The following NHSL1 variants were observed in gnomAD, a reference collection of about 807,000 sequenced individuals.
NHSL1 encodes the protein NHS like 1.
Under a neutral mutation model 95.0 loss-of-function variants are expected in NHSL1, and 48 were observed. That is an observed-to-expected ratio of 0.51 (90% CI 0.40 to 0.64). The LOEUF (loss-of-function observed/expected upper bound fraction) is 0.64, where lower values mean the gene tolerates loss of function less well. Ranked by LOEUF, NHSL1 falls within the 30% of genes least tolerant of loss-of-function variation. The pLI is 0.00. For missense variants in NHSL1, 1,971 were observed against 2,077.7 expected, an observed-to-expected ratio of 0.95 and a Z score of 1.00; for synonymous variants, 783 against 833.9, an observed-to-expected ratio of 0.94 and a Z score of 1.05.
intron 1 of NHSL1, among the ~76,000 whole-genome samples, chr6:138,683,205 G>A (rs982142557): frequency 1.1e-4 from 17 of 152,192 alleles, no homozygotes; most frequent in African/African-American, 1.9e-4. Flanking sequence ...CACTGCTCTC[G>A]GGAGCCACAT....
chr6:138,574,767 G>A (rs58183797), upstream of NHSL1, among the ~76,000 whole-genome samples: 20 of 151,960 alleles, frequency 1.3e-4, no homozygotes, highest in African/African-American at 4.8e-5. Context: ...TGGGAGGATC[G>A]CTTGAGCCCA....
chr6:138,422,919 T>C lies in NHSL1; in HGVS notation c.*1162A>G, dbSNP rs1346024977. On this transcript the variant is annotated 3_prime_UTR_variant, in exon 8 of 8. Coordinates refer to ENST00000343505, the MANE Select transcript of NHSL1 (RefSeq NM_001144060.2). Reference sequence around the variant, plus strand: ...CAGCATTTTCTTCAAAGTAAGATAATATATAATAGATTTTGATAAATCTTT... The same window carrying C: ...CAGCATTTTCTTCAAAGTAAGATAACATATAATAGATTTTGATAAATCTTT... The C allele has an allele frequency of 3.9e-5, 6 of 152,004 alleles. No homozygotes were observed. Among genetic ancestry groups the C allele is most frequent in the Non-Finnish European group, 8.8e-5 (6 of 68,018 alleles). 9.4% of individuals were successfully genotyped at this position (152,004 alleles called of 1,614,324 possible).
chr6:138,429,613 G>T, intron 7 of NHSL1, 98 bp downstream of exon 7: 1 of 1,123,020 alleles, frequency 8.9e-7, no homozygotes, highest in South Asian at 1.8e-5. Flanking sequence ...ATGATTGGGT[G>T]ACAGAAGAAA....
intron 1 of NHSL1, among the ~76,000 whole-genome samples, chr6:138,525,444 C>T (rs1213436130): frequency 6.6e-6 from 1 of 151,494 alleles, no homozygotes; most frequent in Non-Finnish European, 1.5e-5. Flanking sequence ...GGGAAGATCG[C>T]CAGAGCCCAG....
At chr6:138,646,217 C>T (rs1301871486) in intron 1 of NHSL1, among the ~76,000 whole-genome samples, 1 of 152,192 alleles carries the variant, frequency 6.6e-6, no homozygotes, top group Non-Finnish European at 1.5e-5. Flanking sequence ...TTACATACCA[C>T]ATAAATCCCT....
chr6:138,577,214 C>T (rs1583430728), upstream of NHSL1, among the ~76,000 whole-genome samples: 2 of 152,184 alleles, frequency 1.3e-5, no homozygotes, highest in East Asian at 3.9e-4. Flanking sequence ...TTAAAGAGGA[C>T]AGGATATAGG....
At chr6:138,463,502 T>C (rs1162233762) in intron 3 of NHSL1, among the ~76,000 whole-genome samples, 1 of 139,736 alleles carries the variant, frequency 7.2e-6, no homozygotes, top group Non-Finnish European at 1.6e-5. Flanking sequence ...ATGTGCGATG[T>C]TCTTTTTTTT....
chr6:138,587,380 G>A (rs373328727), intron 1 of NHSL1, among the ~76,000 whole-genome samples: 16 of 148,182 alleles, frequency 1.1e-4, no homozygotes, highest in Non-Finnish European at 2.1e-4. Context: ...TCAGGAGTTC[G>A]AGACCAGCCT....
intron 1 of NHSL1, among the ~76,000 whole-genome samples, chr6:138,655,753 T>C (rs1383226922): frequency 6.6e-6 from 1 of 152,188 alleles, no homozygotes; most frequent in African/African-American, 2.4e-5. Flanking sequence ...TTCAAAAGGA[T>C]TATATCCAAA....
chr6:138,453,731 T>C (rs554691227), intron 3 of NHSL1, among the ~76,000 whole-genome samples: 52 of 151,610 alleles, frequency 3.4e-4, no homozygotes, highest in Non-Finnish European at 6.5e-4. Flanking sequence ...AAACTTTCTG[T>C]AGAGACAGGG....
intron 1 of NHSL1, among the ~76,000 whole-genome samples, chr6:138,521,284 A>AC (rs1261205038): frequency 1.1e-4 from 17 of 152,206 alleles, no homozygotes; most frequent in Non-Finnish European, 4.4e-5. Flanking sequence ...ACATAGTGAG[A>AC]CCCCCATCTC....
At chr6:138,652,440 CAAAAAAA>C (rs898637244) in intron 1 of NHSL1, among the ~76,000 whole-genome samples, 5 of 86,526 alleles carry the variant, frequency 5.8e-5, no homozygotes, top group African/African-American at 8.0e-5. Flanking sequence ...AACTCTATCT[CAAAAAAA>C]AAAAAAAAAA....
At chr6:138,593,493 C>T (rs919178483) in intron 1 of NHSL1, among the ~76,000 whole-genome samples, 2 of 152,228 alleles carry the variant, frequency 1.3e-5, no homozygotes, top group African/African-American at 4.8e-5. Flanking sequence ...TATGACTTAA[C>T]ATGCAATTCT....
At chr6:138,605,151 T>A (rs1784416736) in intron 1 of NHSL1, among the ~76,000 whole-genome samples, 1 of 152,212 alleles carries the variant, frequency 6.6e-6, no homozygotes, top group Non-Finnish European at 1.5e-5. Flanking sequence ...GAAAACTGAC[T>A]GGCATGAAGC....
At chr6:138,683,464 C>G (rs779599018) in intron 1 of NHSL1, among the ~76,000 whole-genome samples, 1 of 152,184 alleles carries the variant, frequency 6.6e-6, no homozygotes, top group African/African-American at 2.4e-5. Flanking sequence ...ATGTGCCAGG[C>G]GCTGTGCTAA....
intron 1 of NHSL1, among the ~76,000 whole-genome samples, chr6:138,595,384 G>C (rs1784290370): frequency 6.6e-6 from 1 of 152,006 alleles, no homozygotes; most frequent in Non-Finnish European, 1.5e-5. Flanking sequence ...GACCAGCCTG[G>C]GCAACATAAC....
chr6:138,596,775 G>A (rs1021865902), intron 1 of NHSL1, among the ~76,000 whole-genome samples: 2 of 151,896 alleles, frequency 1.3e-5, no homozygotes, highest in African/African-American at 4.8e-5. Flanking sequence ...GGGGGTGGGG[G>A]GGAAGTTCTG....
At chr6:138,665,749 C>T (rs35755972) in intron 1 of NHSL1, among the ~76,000 whole-genome samples, 3,329 of 152,184 alleles carry the variant, frequency 0.022, 51 homozygotes, top group Middle Eastern at 0.044. Context: ...TCTATTGCAT[C>T]CTAGACATTA....
At chr6:138,561,674 C>T (rs1203335103) in intron 1 of NHSL1, among the ~76,000 whole-genome samples, 1 of 152,138 alleles carries the variant, frequency 6.6e-6, no homozygotes, top group Admixed American at 6.5e-5. Flanking sequence ...CAAGAACCCA[C>T]GATGTGCCCG....
Sources: gnomAD v4.1 joint callset for allele counts (sites outside exome capture counted in the v4.1 genomes callset) on GRCh38, gnomAD v4.1.1 for gene constraint, MANE v1.5 for transcripts, NCBI Gene and HGNC (gene_info 2026-07-23, HGNC 2026-07-21) for gene names.